The following SEL1L3 variants were observed in gnomAD, a reference collection of about 807,000 sequenced individuals.
The protein encoded by SEL1L3 is SEL1L family member 3.
A neutral mutation model predicts 142.8 loss-of-function variants in SEL1L3; 76 were observed. The ratio of observed to expected loss-of-function variants is 0.53; its 90% confidence interval spans 0.44 to 0.64. SEL1L3 has a LOEUF of 0.64. Among genes scored for constraint, SEL1L3 ranks in the 30% least tolerant of loss-of-function variants. The pLI is 0.00. For synonymous variants in SEL1L3, 504 were observed against 519.6 expected (o/e 0.97, Z 0.41); for missense variants, 1,262 against 1,381.7 (o/e 0.91, Z 1.37).
At chr4:25,834,608 G>A (rs987292967) in intron 3 of SEL1L3, among the ~76,000 whole-genome samples, 4 of 152,188 alleles carry the variant, frequency 2.6e-5, no homozygotes, top group Non-Finnish European at 5.9e-5. Context: ...GCAAGCTCAT[G>A]AAGATAAGTT....
At chr4:25,863,528 G>C (rs1316999870), upstream of SEL1L3, 4 of 702,636 alleles carry the variant, frequency 5.7e-6, no homozygotes, top group Admixed American at 8.0e-5. Context: ...CAGGGCGCAG[G>C]GCGAGTGTGC....
At chr4:25,765,649 T>C (rs1419056989) in intron 19 of SEL1L3, among the ~76,000 whole-genome samples, 1 of 152,124 alleles carries the variant, frequency 6.6e-6, no homozygotes, top group Non-Finnish European at 1.5e-5. Context: ...TTCTTTTTTT[T>C]CTAAATTTTT....
intron 1 of SEL1L3, among the ~76,000 whole-genome samples, chr4:25,851,138 A>G (rs559276601): frequency 3.0e-4 from 46 of 152,344 alleles, no homozygotes; most frequent in African/African-American, 1.1e-3. Flanking sequence ...GGCGTGAGCC[A>G]CTGTGCCCAG....
intron 9 of SEL1L3, among the ~76,000 whole-genome samples, chr4:25,815,766 C>A (rs1383767172): frequency 6.6e-6 from 1 of 151,862 alleles, no homozygotes; most frequent in Non-Finnish European, 1.5e-5. Flanking sequence ...AGAGCAATAA[C>A]ATTGACATAG....
At chr4:25,744,926 A>T (rs1717216122), downstream of SEL1L3, among the ~76,000 whole-genome samples, 2 of 152,224 alleles carry the variant, frequency 1.3e-5, no homozygotes, top group Non-Finnish European at 2.9e-5. Context: ...AGCCTCCAAA[A>T]GTGTGAGAAA....
the SEL1L3 span, chr4:25,720,977 C>T: frequency 6.6e-6 from 1 of 152,114 alleles, no homozygotes; most frequent in Admixed American, 6.5e-5. Flanking sequence ...CGGGGCTAGA[C>T]TAGAGTGGTA....
intron 9 of SEL1L3, among the ~76,000 whole-genome samples, chr4:25,805,977 T>C (rs1713528823): frequency 1.3e-5 from 2 of 152,216 alleles, no homozygotes; most frequent in Non-Finnish European, 2.9e-5. Context: ...AACATGATGT[T>C]TCTTTTTTTC....
the SEL1L3 span, among the ~76,000 whole-genome samples, chr4:25,722,624 C>CTTTTTTTTTTTTTTTTTTTTTTTTT: frequency 4.0e-4 from 41 of 103,650 alleles, 4 homozygotes; most frequent in African/African-American, 1.4e-3. Context: ...CCAAAGGAGG[C>CTTTTTTTTTTTTTTTTTTTTTTTTT]TTTTTTTTTT....
At chr4:25,782,193 A>G (rs775455491) in intron 15 of SEL1L3, 49 bp downstream of exon 15, 2 of 1,545,536 alleles carry the variant, frequency 1.3e-6, no homozygotes, top group South Asian at 2.3e-5. Context: ...CAAATGCTTC[A>G]TGATCAAGTG....
rs149662888 is a variant in SEL1L3, at chr4:25,828,663, G to A, written c.1157+1435C>T. Among the ~76,000 whole-genome samples, 552 of 152,176 alleles carry A rather than the reference G, an allele frequency of 3.6e-3. 4 individuals are homozygous for A. Among genetic ancestry groups the A allele is most frequent in the African/African-American group, 0.012 (512 of 41,500 alleles). On this transcript the variant is annotated intron_variant, in intron 6 of 23. Transcript: ENST00000399878. ...GGCTCCTGAAGTGCTGGGATTACAG[G>A]TGTGAACCACCTGTAAAATGCCGGG...
At chr4:25,745,144 C>T (rs528234028), downstream of SEL1L3, among the ~76,000 whole-genome samples, 94 of 152,224 alleles carry the variant, frequency 6.2e-4, no homozygotes, top group African/African-American at 2.2e-3. Flanking sequence ...CCTGTAATCC[C>T]AGCACTTTGG....
chr4:25,859,729 C>T (rs568855113), intron 1 of SEL1L3, among the ~76,000 whole-genome samples: 1 of 152,222 alleles, frequency 6.6e-6, no homozygotes, highest in African/African-American at 2.4e-5. Flanking sequence ...AACTCAAATG[C>T]TAAACTCTAC....
intron 12 of SEL1L3, among the ~76,000 whole-genome samples, chr4:25,789,684 C>T (rs985677113): frequency 7.9e-5 from 12 of 152,020 alleles, no homozygotes; most frequent in Non-Finnish European, 1.8e-4. Flanking sequence ...GCTTCAGCCT[C>T]CTTAGCAGCC....
chr4:25,793,963 G>T (rs539670387), intron 11 of SEL1L3, among the ~76,000 whole-genome samples: 2 of 152,280 alleles, frequency 1.3e-5, no homozygotes, highest in East Asian at 1.9e-4. Context: ...AGGAGAAATG[G>T]CTAGCCATAT....
At chr4:25,795,507 T>C (rs1338313356) in intron 11 of SEL1L3, among the ~76,000 whole-genome samples, 1 of 152,186 alleles carries the variant, frequency 6.6e-6, no homozygotes, top group African/African-American at 2.4e-5. Flanking sequence ...GCTCATCCTG[T>C]GTGCTTGGCT....
At chr4:25,781,137 T>C (rs2109168999) in intron 15 of SEL1L3, among the ~76,000 whole-genome samples, 1 of 151,752 alleles carries the variant, frequency 6.6e-6, no homozygotes, top group African/African-American at 2.4e-5. Flanking sequence ...GAACCACCAC[T>C]CTCAGCCCTC....
intron 9 of SEL1L3, among the ~76,000 whole-genome samples, chr4:25,815,167 G>A (rs754915621): frequency 6.8e-4 from 104 of 152,290 alleles, no homozygotes; most frequent in Non-Finnish European, 1.2e-3. Flanking sequence ...ATGGTCCCTC[G>A]GGGGAAGCTC....
downstream of SEL1L3, among the ~76,000 whole-genome samples, chr4:25,746,900 A>C (rs1174301617): frequency 6.6e-6 from 1 of 152,092 alleles, no homozygotes; most frequent in Non-Finnish European, 1.5e-5. Context: ...GGCTTTACAT[A>C]TATTATCTCG....
chr4:25,750,234 C>CAAAAAAAA (rs10718046), intron 23 of SEL1L3, among the ~76,000 whole-genome samples: 2 of 105,088 alleles, frequency 1.9e-5, no homozygotes, highest in Non-Finnish European at 3.9e-5. Context: ...GACTCCATCT[C>CAAAAAAAA]AAAAAAAAAA....
Sources: gnomAD v4.1 joint callset for allele counts (sites outside exome capture counted in the v4.1 genomes callset) on GRCh38, gnomAD v4.1.1 for gene constraint, MANE v1.5 for transcripts, NCBI Gene and HGNC (gene_info 2026-07-23, HGNC 2026-07-21) for gene names.